Variants in EGFLAM observed in about 807,000 individuals in gnomAD.
EGFLAM encodes pikachurin.
In EGFLAM, 79 loss-of-function variants were observed where a neutral mutation model predicts 113.1. That is an observed-to-expected ratio of 0.70 (90% CI 0.58 to 0.84). The LOEUF is 0.84. EGFLAM is among the 40% of genes least tolerant of loss of function. The probability of loss-of-function intolerance (pLI) is 0.00; values close to 1 mark genes in which losing one functional copy is unlikely to be tolerated. For synonymous variants in EGFLAM, 504 were observed against 487.6 expected (o/e 1.03, Z -0.44); for missense variants, 1,265 against 1,291.6 (o/e 0.98, Z 0.32).
At chr5:38,330,813 T>C (rs1178086014) in intron 1 of EGFLAM, among the ~76,000 whole-genome samples, 2 of 152,192 alleles carry the variant, frequency 1.3e-5, no homozygotes, top group Non-Finnish European at 2.9e-5. Context: ...TCCCCCACTT[T>C]TCAGCCACCT....
chr5:38,316,549 G>C (rs147337681), intron 1 of EGFLAM, among the ~76,000 whole-genome samples: 13 of 152,306 alleles, frequency 8.5e-5, no homozygotes, highest in African/African-American at 2.9e-4. Flanking sequence ...TCCAAGAACT[G>C]CTACTGACAT....
chr5:38,447,538 C>T (rs1385610493), intron 17 of EGFLAM, among the ~76,000 whole-genome samples: 2 of 151,982 alleles, frequency 1.3e-5, no homozygotes, highest in Admixed American at 6.6e-5. Flanking sequence ...GGTGGATCAC[C>T]TAAGGTCAGG....
At position 38,281,921 on chromosome 5, in the gene EGFLAM, G is replaced by A. The variant is rs1189312685; in HGVS notation, c.97+23070G>A. Reference sequence around the variant, plus strand: ...GAAAAATAATTCTAAGAATCTAAAGGTTTCTGGACACAAATGAAATAAAGG... The same window carrying A: ...GAAAAATAATTCTAAGAATCTAAAGATTTCTGGACACAAATGAAATAAAGG... On this transcript the variant is annotated intron_variant, in intron 1 of 21. Transcript: ENST00000322350. 2.0e-5 allele frequency among the ~76,000 whole-genome samples: 3 copies of A among 152,208 alleles called. No individual in the cohort carries two copies. In the East Asian group the frequency reaches 5.8e-4, roughly 29 times the overall value.
At chr5:38,289,255 C>CA (rs1758246381) in intron 1 of EGFLAM, among the ~76,000 whole-genome samples, 1 of 151,110 alleles carries the variant, frequency 6.6e-6, no homozygotes, top group Non-Finnish European at 1.5e-5. Flanking sequence ...TCTTCCTTGG[C>CA]AATTACTCTT....
At position 38,258,568 on chromosome 5, in the gene EGFLAM, C is replaced by T. The variant is rs969683282; in HGVS notation, c.-187C>T. The T allele has an allele frequency of 1.6e-6, 1 of 638,306 alleles. No individual in the cohort carries two copies. The highest frequency in any genetic ancestry group is 2.7e-6 in the Non-Finnish European group (1 of 367,272). The allele number at this position is 638,306 out of a possible 1,614,324, so 39.5% of individuals were successfully genotyped here. ...GCTTGCAGCCGGCTTCACTCGCGCACGCCGACCTCCCGGCTGCAGTCCTAC... is the reference window on the plus strand; with the variant it reads ...GCTTGCAGCCGGCTTCACTCGCGCATGCCGACCTCCCGGCTGCAGTCCTAC... On this transcript the variant is annotated 5_prime_UTR_variant, in exon 1 of 22. In the 5' UTR this introduces an upstream ATG that the reference lacks. Coordinates refer to ENST00000322350, the MANE Select transcript of EGFLAM (RefSeq NM_152403.4).
intron 6 of EGFLAM, among the ~76,000 whole-genome samples, chr5:38,377,034 A>C (rs1295499140): frequency 6.6e-6 from 1 of 151,858 alleles, no homozygotes; most frequent in East Asian, 1.9e-4. Context: ...TCACTGCCTG[A>C]ATCTATATTA....
intron 6 of EGFLAM, among the ~76,000 whole-genome samples, chr5:38,372,499 T>A (rs1740250623): frequency 6.6e-6 from 1 of 152,212 alleles, no homozygotes; most frequent in African/African-American, 2.4e-5. Flanking sequence ...GATCTGGTCT[T>A]AGAGTTTCTG....
Position 38,448,311 on chromosome 5 carries a change from A to C in EGFLAM, c.2475A>C (p.Glu825Asp). Residue 825 changes from glutamate (E) to aspartate (D), a missense_variant, in exon 18 of 22, where the codon GAA becomes GAC. Transcript: ENST00000322350. ...TCTGTTCTGTCCCAGCGATCATAGA[A>C]GCCATTGAGATCCCGCAGTTTATCG... ...EGLHCQKAII[E>D]AIEIPQFIGR... 6.2e-7 allele frequency: 1 copy of C among 1,614,192 alleles called. No homozygotes were observed. Among genetic ancestry groups the C allele is most frequent in the Non-Finnish European group, 8.5e-7 (1 of 1,180,036 alleles).
At chr5:38,308,804 C>T (rs980919754) in intron 1 of EGFLAM, among the ~76,000 whole-genome samples, 1 of 152,136 alleles carries the variant, frequency 6.6e-6, no homozygotes, top group African/African-American at 2.4e-5. Context: ...AGAAAGAATC[C>T]GGAATGAAGA....
intron 1 of EGFLAM, among the ~76,000 whole-genome samples, chr5:38,318,496 A>G (rs1383049688): frequency 1.3e-5 from 2 of 151,748 alleles, no homozygotes; most frequent in Non-Finnish European, 2.9e-5. Context: ...TACTCTCTAT[A>G]CTATCTAGTA....
At position 38,274,072 on chromosome 5, in the gene EGFLAM, G is replaced by GA. The variant is rs1223555695; in HGVS notation, c.97+15226dup. Among the ~76,000 whole-genome samples the GA allele has an allele frequency of 2.0e-5, 3 of 151,830 alleles. No homozygotes were observed. In the East Asian group the frequency reaches 5.8e-4, roughly 29 times the overall value. ...AACTGAAAAATACAATGAACAAAAT[G>GA]AAAAATATATCAACAGCAAAGTTTA... On this transcript the variant is annotated intron_variant, in intron 1 of 21. Coordinates refer to ENST00000322350, the MANE Select transcript of EGFLAM (RefSeq NM_152403.4).
chr5:38,436,410 G>C (rs1442932506), intron 16 of EGFLAM, among the ~76,000 whole-genome samples: 2 of 152,122 alleles, frequency 1.3e-5, no homozygotes, highest in South Asian at 2.1e-4. Context: ...TCACTGAAAA[G>C]GGCCCCTGGT....
At chr5:38,271,404 C>G (rs553926894) in intron 1 of EGFLAM, among the ~76,000 whole-genome samples, 56 of 152,336 alleles carry the variant, frequency 3.7e-4, no homozygotes, top group Non-Finnish European at 7.6e-4. Flanking sequence ...ATCACTGTTG[C>G]ATTTAATATT....
chr5:38,404,909 G>T (rs761884582), intron 6 of EGFLAM, among the ~76,000 whole-genome samples: 1 of 152,198 alleles, frequency 6.6e-6, no homozygotes, highest in African/African-American at 2.4e-5. Flanking sequence ...AAATCAGAGC[G>T]CTGTGGATCA....
chr5:38,348,014 T>C (rs1487258011), intron 3 of EGFLAM, among the ~76,000 whole-genome samples: 1 of 151,238 alleles, frequency 6.6e-6, no homozygotes, highest in Non-Finnish European at 1.5e-5. Context: ...AGTGAACTCA[T>C]AGAGGAAAGC....
rs182405765 is a variant in EGFLAM, at chr5:38,445,576, A to C, written c.2465-2725A>C. 490 of 1,596,622 alleles carry C rather than the reference A, an allele frequency of 3.1e-4. 2 individuals are homozygous for C. The African/African-American group carries it at 6.0e-3, about 20-fold the overall frequency. On this transcript the variant is annotated intron_variant, in intron 17 of 21. Coordinates refer to ENST00000322350, the MANE Select transcript of EGFLAM (RefSeq NM_152403.4). ...CTCTCGGGCAGAGCTTTGTGAGAGA[A>C]ACAAGGCTGGCTTCAAGTGATCTGC...
At chr5:38,394,795 A>G (rs1264026653) in intron 6 of EGFLAM, among the ~76,000 whole-genome samples, 3 of 145,500 alleles carry the variant, frequency 2.1e-5, no homozygotes, top group African/African-American at 5.2e-5. Context: ...AACTCTTCGC[A>G]TCTTACTCTT....
At chr5:38,332,803 G>A (rs182993238) in intron 1 of EGFLAM, among the ~76,000 whole-genome samples, 7 of 152,290 alleles carry the variant, frequency 4.6e-5, no homozygotes, top group South Asian at 2.1e-4. Context: ...GCCTTTAAGC[G>A]GTTTTCCACC....
intron 12 of EGFLAM, 41 bp downstream of exon 12, chr5:38,418,296 T>C: frequency 3.1e-6 from 5 of 1,602,940 alleles, no homozygotes; most frequent in Non-Finnish European, 3.4e-6. Context: ...CTTATGGGAC[T>C]TATGTCTTAT....
Sources: gnomAD v4.1 joint callset for allele counts (sites outside exome capture counted in the v4.1 genomes callset) on GRCh38, gnomAD v4.1.1 for gene constraint, MANE v1.5 for transcripts, NCBI Gene and HGNC (gene_info 2026-07-23, HGNC 2026-07-21) for gene names.